NFASC: variants seen among roughly 807,000 people sequenced by gnomAD.
NFASC encodes the protein neurofascin, also known as neurofascin homolog.
NFASC carries 43 observed loss-of-function variants against 147.5 expected under a neutral mutation model. That is an observed-to-expected ratio of 0.29 (90% CI 0.23 to 0.38). The LOEUF (loss-of-function observed/expected upper bound fraction) is 0.38, where lower values mean the gene tolerates loss of function less well. NFASC is among the 10% of genes least tolerant of loss of function. NFASC has a pLI of 1.00. For synonymous variants in NFASC, 622 were observed against 665.5 expected, an observed-to-expected ratio of 0.93 and a Z score of 1.01; for missense variants, 1,320 against 1,689.0, an observed-to-expected ratio of 0.78 and a Z score of 3.83.
chr1:204,871,836 T>G (rs1409903603), intron 1 of NFASC, among the ~76,000 whole-genome samples: 1 of 152,178 alleles, frequency 6.6e-6, no homozygotes, highest in African/African-American at 2.4e-5. Context: ...ACTTTGACCT[T>G]TGGAGGTGGC....
chr1:204,994,565 T>C (rs1201775443), intron 24 of NFASC, among the ~76,000 whole-genome samples: 1 of 152,146 alleles, frequency 6.6e-6, no homozygotes. Flanking sequence ...GCCTGGGAAA[T>C]GTAGCACCAC....
intron 1 of NFASC, among the ~76,000 whole-genome samples, chr1:204,866,652 C>T (rs1189949762): frequency 6.6e-6 from 1 of 152,196 alleles, no homozygotes; most frequent in Non-Finnish European, 1.5e-5. Flanking sequence ...TAGGTGAACT[C>T]AAGTTTAGTA....
chr1:204,888,511 G>A (rs2081768756), intron 1 of NFASC, among the ~76,000 whole-genome samples: 1 of 152,148 alleles, frequency 6.6e-6, no homozygotes, highest in South Asian at 2.1e-4. Context: ...TAAAACAGAG[G>A]GGACTTCCTT....
In NFASC at chr1:204,975,149, T is replaced by C; in HGVS notation, c.1559-122T>C. ...CTGCTCCGTTCATACCATAGCATAC[T>C]GTTTGTGCCCCACTCCATAGTTGGC... On this transcript the variant is annotated intron_variant, in intron 14 of 29. Coordinates refer to ENST00000339876, the MANE Select transcript of NFASC (RefSeq NM_001005388.3). This position sits in a 1 kb window ranked among gnomAD's most constrained non-coding sequence, Gnocchi z 4.0. The C allele has an allele frequency of 9.3e-7, 1 of 1,073,846 alleles. No individual in the cohort carries two copies. The highest frequency in any genetic ancestry group is 1.3e-6 in the Non-Finnish European group (1 of 745,042). The allele number at this position is 1,073,846 out of a possible 1,614,324, so 66.5% of individuals were successfully genotyped here. A position where few individuals can be genotyped will look rare whatever the true frequency, so the allele number is the denominator to read the frequency against.
chr1:204,934,708 T>A (rs1299783020), intron 2 of NFASC, among the ~76,000 whole-genome samples: 1 of 152,208 alleles, frequency 6.6e-6, no homozygotes, highest in East Asian at 1.9e-4. Flanking sequence ...GAAGTCTTCA[T>A]GAATCACATT....
chr1:204,989,460 G>A (rs986754679), intron 23 of NFASC: 3 of 153,156 alleles, frequency 2.0e-5, no homozygotes, highest in Admixed American at 6.5e-5. Flanking sequence ...AGCCCCACCA[G>A]AGCTGCACCT....
intron 27 of NFASC, among the ~76,000 whole-genome samples, chr1:205,004,332 C>T (rs183660081): frequency 2.0e-4 from 30 of 152,280 alleles, no homozygotes; most frequent in African/African-American, 6.0e-4. Context: ...ATTAAGCACA[C>T]GACAGAATAA....
At chr1:204,920,575 T>C in intron 1 of NFASC, 57 bp from the exon 2 acceptor site, 3 of 896,536 alleles carry the variant, frequency 3.3e-6, no homozygotes, top group Middle Eastern at 2.6e-4. Flanking sequence ...AAGGCTTTTT[T>C]TTTTCTTCCT....
intron 8 of NFASC, chr1:204,962,140 C>T (rs543370587): frequency 6.2e-7 from 1 of 1,613,586 alleles, no homozygotes; most frequent in East Asian, 2.2e-5. Flanking sequence ...CTTAAGAAAC[C>T]ACCCTGACAT....
intron 10 of NFASC, 120 bp from the exon 11 acceptor site, chr1:204,970,496 G>A (rs1391902478): frequency 1.7e-6 from 2 of 1,152,958 alleles, no homozygotes; most frequent in Admixed American, 2.0e-5. Context: ...CCTGGGGCAG[G>A]TGGTGAGCAC....
intron 1 of NFASC, among the ~76,000 whole-genome samples, chr1:204,831,346 A>G: frequency 6.6e-6 from 1 of 150,756 alleles, no homozygotes; most frequent in South Asian, 2.2e-4. Context: ...CTGTGGGCTG[A>G]ACTGGCTGCG....
chr1:204,941,847 T>C (rs767073018), intron 2 of NFASC, among the ~76,000 whole-genome samples: 89 of 152,102 alleles, frequency 5.9e-4, no homozygotes, highest in Non-Finnish European at 1.2e-3. Context: ...GGGGCGGATT[T>C]TTTTTGTTCC....
intron 12 of NFASC, 24 bp from the exon 13 acceptor site, chr1:204,974,155 A>G (rs529223244): frequency 1.3e-6 from 2 of 1,592,856 alleles, no homozygotes; most frequent in Non-Finnish European, 1.7e-6. Flanking sequence ...TTGGCACTCG[A>G]GATTGCTTCT....
Position 204,976,763 on chromosome 1 carries a change from A to G in NFASC, c.1799A>G (p.Gln600Arg). The G allele has an allele frequency of 6.2e-7, 1 of 1,614,020 alleles. No individual in the cohort carries two copies. Among genetic ancestry groups the G allele is most frequent in the Non-Finnish European group, 8.5e-7 (1 of 1,179,944 alleles). ...YTCVASTELD[Q>R]DLAKAYLTVL... ...TGTGTCGCCAGCACCGAGCTAGACC[A>G]AGACCTGGCCAAGGCCTACCTCACC... Residue 600 changes from glutamine to arginine, a missense_variant, in exon 16 of 30, where the codon CAA becomes CGA. Physicochemically the swap from Gln to Arg is conservative, Grantham distance 43 (BLOSUM62 1). Coordinates refer to ENST00000339876, the MANE Select transcript of NFASC (RefSeq NM_001005388.3).
At chr1:204,840,033 G>T (rs145759083) in intron 1 of NFASC, among the ~76,000 whole-genome samples, 184 of 152,310 alleles carry the variant, frequency 1.2e-3, no homozygotes, top group Non-Finnish European at 1.8e-3. Flanking sequence ...GCCTTGCAGG[G>T]AGGAGTCTGC....
At chr1:204,964,280 CACATTCTCGAT>C (rs1408379176) in intron 8 of NFASC, among the ~76,000 whole-genome samples, 1 of 152,198 alleles carries the variant, frequency 6.6e-6, no homozygotes, top group Non-Finnish European at 1.5e-5. Context: ...ATGTGTTGGG[CACATTCTCGAT>C]ACTTAACAAG....
rs781585398 is a variant in NFASC, at chr1:204,958,552, G to A, written c.706+726G>A. Among the ~76,000 whole-genome samples the A allele has an allele frequency of 7.2e-5, 11 of 152,292 alleles. No homozygotes were observed. In the East Asian group the frequency reaches 9.6e-4, roughly 13 times the overall value. ...CAGAAATGTTCTTCTTGGCAAGGAC[G>A]AGGCAGCCTAGAGCTTTTGCTGCAA... On this transcript the variant is annotated intron_variant, in intron 8 of 29. Coordinates refer to ENST00000339876, the MANE Select transcript of NFASC (RefSeq NM_001005388.3).
In NFASC at chr1:204,923,078, C is replaced by T. The variant is rs184769335; in HGVS notation, c.-91+2338C>T. ...CTAAGAAAGGGCCTGGATTCAAATC[C>T]TGTGGTCCAACTCTGGCACCTGTGT... On this transcript the variant is annotated intron_variant, in intron 2 of 29. Transcript: ENST00000339876. 2.6e-5 allele frequency among the ~76,000 whole-genome samples: 4 copies of T among 152,316 alleles called. No homozygotes were observed. In the East Asian group the frequency reaches 7.7e-4, roughly 29 times the overall value.
rs547746408 is a variant in NFASC, at chr1:205,007,101, T to C, written c.3290-2456T>C. On this transcript the variant is annotated intron_variant, in intron 27 of 29. Coordinates refer to ENST00000339876, the MANE Select transcript of NFASC (RefSeq NM_001005388.3). ...GGTGGAAGAGCATAGAGCGTACCAA[T>C]TAAGAGGGCAGCATGTGAGCTGGAG... 1.4e-4 allele frequency among the ~76,000 whole-genome samples: 21 copies of C among 150,876 alleles called. 1 individual carries two copies. In the East Asian group the frequency reaches 3.5e-3, roughly 25 times the overall value.
Sources: gnomAD v4.1 joint callset for allele counts (sites outside exome capture counted in the v4.1 genomes callset) on GRCh38, gnomAD v4.1.1 for gene constraint, Gnocchi (gnomAD v3.1) non-coding constraint, MANE v1.5 for transcripts, NCBI Gene and HGNC (gene_info 2026-07-23, HGNC 2026-07-21) for gene names.